DCC: variants seen among roughly 807,000 people sequenced by gnomAD.
DCC encodes the protein netrin receptor DCC.
A neutral mutation model predicts 172.5 loss-of-function variants in DCC; 58 were observed. The ratio of observed to expected loss-of-function variants is 0.34; its 90% CI spans 0.27 to 0.42. The LOEUF (loss-of-function observed/expected upper bound fraction) is 0.42, where lower values mean the gene tolerates loss of function less well. DCC is among the 10% of genes least tolerant of loss of function. DCC has a pLI of 1.00. For missense variants in DCC, 1,740 were observed against 1,791.0 expected (o/e 0.97, Z 0.51); for synonymous variants, 709 against 644.5 (o/e 1.10, Z -1.52).
chr18:52,817,803 A>ATATATGTG (rs375371359), intron 2 of DCC, among the ~76,000 whole-genome samples: 6 of 151,428 alleles, frequency 4.0e-5, no homozygotes, highest in African/African-American at 4.9e-5. Flanking sequence ...ATATATATAT[A>ATATATGTG]TGTGTGTGTG....
In DCC at chr18:53,458,741, G is replaced by A. The variant is rs529338013; in HGVS notation, c.3393-491G>A. Among the ~76,000 whole-genome samples, 320 of 152,256 alleles carry A rather than the reference G, an allele frequency of 2.1e-3. 8 individuals are homozygous for A. Among genetic ancestry groups the A allele is most frequent in the East Asian group, 3.3e-3 (17 of 5,174 alleles). On this transcript the variant is annotated intron_variant, in intron 23 of 28. Transcript: ENST00000442544. Reference sequence around the variant, plus strand: ...GTGGCCTTTTGTCTTCAAATAACAAGTTTCCCAGTTGCACATTAAATTATA... The same window carrying A: ...GTGGCCTTTTGTCTTCAAATAACAAATTTCCCAGTTGCACATTAAATTATA...
intron 7 of DCC, among the ~76,000 whole-genome samples, chr18:53,084,910 T>C (rs4468701): frequency 0.42 from 64,610 of 152,034 alleles, 14,616 homozygotes; most frequent in Non-Finnish European, 0.48. Flanking sequence ...TTGGACAATG[T>C]TGAACAAATA....
intron 8 of DCC, among the ~76,000 whole-genome samples, chr18:53,170,716 C>G (rs928799642): frequency 2.6e-5 from 4 of 152,136 alleles, no homozygotes. Flanking sequence ...TCATTTAATT[C>G]TTTCAGACAT....
intron 14 of DCC, among the ~76,000 whole-genome samples, chr18:53,325,470 T>C (rs1294545475): frequency 1.3e-5 from 2 of 152,152 alleles, no homozygotes; most frequent in Admixed American, 1.3e-4. Flanking sequence ...TTATGTGCTC[T>C]TTTTCCTGAC....
intron 7 of DCC, among the ~76,000 whole-genome samples, chr18:53,134,126 T>A (rs1466459594): frequency 6.6e-6 from 1 of 152,208 alleles, no homozygotes; most frequent in Non-Finnish European, 1.5e-5. Flanking sequence ...TTAGAATGTC[T>A]GCATTTTAAA....
intron 1 of DCC, among the ~76,000 whole-genome samples, chr18:52,567,989 G>A (rs1172924985): frequency 6.6e-6 from 1 of 152,124 alleles, no homozygotes; most frequent in East Asian, 1.9e-4. Flanking sequence ...ACTAAAGTCT[G>A]TAGTTTAGTT....
chr18:53,182,887 G>A (rs577403058), intron 9 of DCC, among the ~76,000 whole-genome samples: 1 of 152,126 alleles, frequency 6.6e-6, no homozygotes, highest in South Asian at 2.1e-4. Flanking sequence ...AAATGCGAGG[G>A]CTGGTTTTAT....
chr18:52,483,903 G>T (rs1360666450), intron 1 of DCC, among the ~76,000 whole-genome samples: 1 of 151,720 alleles, frequency 6.6e-6, no homozygotes, highest in African/African-American at 2.4e-5. Flanking sequence ...ACTATTCTTT[G>T]ATCTTTGTGC....
chr18:53,326,784 A>G (rs1286072466), intron 14 of DCC, among the ~76,000 whole-genome samples: 1 of 152,172 alleles, frequency 6.6e-6, no homozygotes, highest in East Asian at 1.9e-4. Context: ...TTCCATATAG[A>G]ATTGCTTTGA....
At chr18:53,322,026 C>G (rs368983021) in intron 13 of DCC, 21 bp from the exon 14 acceptor site, 2 of 1,372,322 alleles carry the variant, frequency 1.5e-6, no homozygotes, top group South Asian at 1.2e-5. Context: ...TTCTTCCCCC[C>G]TGTGGAAAAT....
chr18:53,050,173 C>A, intron 5 of DCC, among the ~76,000 whole-genome samples: 1 of 152,080 alleles, frequency 6.6e-6, no homozygotes, highest in East Asian at 1.9e-4. Flanking sequence ...TTTATCTAGC[C>A]ACGCTGGCAG....
chr18:53,396,345 A>T (rs1435545894), intron 17 of DCC, among the ~76,000 whole-genome samples: 1 of 152,186 alleles, frequency 6.6e-6, no homozygotes, highest in Non-Finnish European at 1.5e-5. Flanking sequence ...AATGGATTAA[A>T]CCTTGCATCA....
At chr18:53,249,888 GTATGTTGCTCTC>G (rs1019531328) in intron 12 of DCC, among the ~76,000 whole-genome samples, 1 of 151,880 alleles carries the variant, frequency 6.6e-6, no homozygotes, top group Non-Finnish European at 1.5e-5. Flanking sequence ...TGCCTTCCAG[GTATGTTGCTCTC>G]TTATAATCAG....
chr18:53,371,211 G>T (rs1355830241), intron 15 of DCC, among the ~76,000 whole-genome samples: 1 of 151,846 alleles, frequency 6.6e-6, no homozygotes, highest in African/African-American at 2.4e-5. Flanking sequence ...AAAATGACAA[G>T]ATCATCTGTC....
At chr18:52,437,662 G>A (rs1987840537) in intron 1 of DCC, among the ~76,000 whole-genome samples, 1 of 152,082 alleles carries the variant, frequency 6.6e-6, no homozygotes, top group Admixed American at 6.5e-5. Flanking sequence ...AATCAATGAG[G>A]TTTATTTTAA....
At chr18:53,359,540 T>A (rs2144927711) in intron 15 of DCC, among the ~76,000 whole-genome samples, 1 of 152,310 alleles carries the variant, frequency 6.6e-6, no homozygotes, top group East Asian at 1.9e-4. Flanking sequence ...TTGAATAGAC[T>A]AAGCCTTTCT....
chr18:52,794,620 C>T (rs1598809657), intron 2 of DCC, among the ~76,000 whole-genome samples: 4 of 151,946 alleles, frequency 2.6e-5, no homozygotes, highest in Non-Finnish European at 5.9e-5. Context: ...AATTTGGATG[C>T]CTTTTATTTC....
intron 14 of DCC, among the ~76,000 whole-genome samples, chr18:53,322,849 T>G (rs1396104052): frequency 6.6e-6 from 1 of 151,736 alleles, no homozygotes; most frequent in Non-Finnish European, 1.5e-5. Context: ...CATTAAATAA[T>G]AAAGCAGAAA....
At chr18:53,138,772 A>G (rs1214003654) in intron 7 of DCC, among the ~76,000 whole-genome samples, 1 of 152,238 alleles carries the variant, frequency 6.6e-6, no homozygotes, top group African/African-American at 2.4e-5. Flanking sequence ...TTACAGCAGA[A>G]TAAAGCTGCT....
Sources: allele counts gnomAD v4.1 joint callset (sites outside exome capture counted in the v4.1 genomes callset), GRCh38; gene constraint gnomAD v4.1.1; transcripts MANE v1.5; gene names NCBI Gene and HGNC (gene_info 2026-07-23, HGNC 2026-07-21).